LMNA: variants seen among roughly 807,000 people sequenced by gnomAD.
LMNA encodes the protein lamin.
In LMNA, 20 loss-of-function variants were observed where a neutral mutation model predicts 70.4. The observed-to-expected ratio is 0.28, with a 90% CI of 0.20 to 0.41. LMNA has a LOEUF of 0.41. Ranked by LOEUF, LMNA falls within the 10% of genes least tolerant of loss-of-function variation. LMNA has a pLI of 1.00. For synonymous variants in LMNA, 339 were observed against 372.8 expected, an observed-to-expected ratio of 0.91 and a Z score of 1.04; for missense variants, 652 against 917.2, an observed-to-expected ratio of 0.71 and a Z score of 3.73.
At chr1:156,126,322 A>G in intron 1 of LMNA, 1 of 933,802 alleles carries the variant, frequency 1.1e-6, no homozygotes, top group Non-Finnish European at 1.6e-6. Context: ...TGTTATTTTT[A>G]GCTACAGTGT....
At chr1:156,107,334 C>T (rs1649388555) in intron 3 of LMNA, among the ~76,000 whole-genome samples, 1 of 152,202 alleles carries the variant, frequency 6.6e-6, no homozygotes, top group Non-Finnish European at 1.5e-5. Flanking sequence ...TGCTCTTTGA[C>T]ATCTGTCCAG....
At chr1:156,125,266 G>A (rs1335104050) in intron 1 of LMNA, among the ~76,000 whole-genome samples, 1 of 152,224 alleles carries the variant, frequency 6.6e-6, no homozygotes, top group Non-Finnish European at 1.5e-5. Flanking sequence ...GGGAGGGACA[G>A]AGAGAAGGAG....
chr1:156,126,974 ACCTGAGGGGCCCAGGTTCCCAC>A, intron 1 of LMNA: 1 of 1,475,116 alleles, frequency 6.8e-7, no homozygotes, highest in Non-Finnish European at 9.1e-7. Flanking sequence ...AGCATGAGTC[ACCTGAGGGGCCCAGGTTCCCAC>A]CCTTCCCAGC....
chr1:156,105,949 T>C (rs959701244), intron 3 of LMNA, among the ~76,000 whole-genome samples: 60 of 151,652 alleles, frequency 4.0e-4, no homozygotes, highest in Admixed American at 3.9e-3. Flanking sequence ...AAACCCCGTC[T>C]CTACTTAAAA....
upstream of LMNA, among the ~76,000 whole-genome samples, chr1:156,110,374 G>C (rs544651208): frequency 2.6e-5 from 4 of 152,288 alleles, no homozygotes; most frequent in African/African-American, 7.2e-5. Context: ...TGTGTATAAG[G>C]CAGTTCTGTA....
chr1:156,103,468 G>A lies in LMNA; in HGVS notation c.-206-11245G>A, dbSNP rs779598873. Among the ~76,000 whole-genome samples, 2 of 152,118 alleles carry A rather than the reference G, an allele frequency of 1.3e-5. No individual in the cohort carries two copies. Among genetic ancestry groups the A allele is most frequent in the African/African-American group, 2.4e-5 (1 of 41,414 alleles). On this transcript the variant is annotated intron_variant, in intron 3 of 12. Coordinates refer to the LMNA transcript ENST00000368301. The surrounding 1 kb of genome is among the most constrained non-coding windows in gnomAD (Gnocchi z 4.7). ...GGGAGGGTGCCAGGATCCCCATTTT[G>A]CATACAGTAGCTGAGGCTCAGCCAG... is the stretch of plus-strand genomic sequence containing the variant.
chr1:156,137,226 T>G lies in LMNA; in HGVS notation c.1602T>G (p.Thr534=), dbSNP rs781763410. The change falls in exon 9 of 12, where the codon ACT becomes ACG. Residue 534 remains threonine (T), a synonymous_variant. Coordinates refer to ENST00000368300, the MANE Select transcript of LMNA (RefSeq NM_170707.4). The surrounding 1 kb of genome is among the most constrained non-coding windows in gnomAD (Gnocchi z 4.6). The part of the protein sequence containing the change: ...NSLRTALINS[T]GEEVAMRKLV... ...TGCGTACGGCTCTCATCAACTCCAC[T>G]GGGGAAGTAAGTAGGCCTGGGCCTG... The G allele has an allele frequency of 6.3e-7, 1 of 1,583,238 alleles. No homozygotes were observed.
intron 3 of LMNA, among the ~76,000 whole-genome samples, chr1:156,105,488 C>G (rs1030806089): frequency 1.3e-5 from 2 of 152,180 alleles, no homozygotes; most frequent in Admixed American, 6.5e-5. Context: ...CCTGCAGATT[C>G]ACCACCACCC....
chr1:156,119,214 T>G (rs1022374403), intron 1 of LMNA, among the ~76,000 whole-genome samples: 3 of 151,270 alleles, frequency 2.0e-5, no homozygotes, highest in African/African-American at 7.3e-5. Flanking sequence ...ACCTCCCAGG[T>G]TCAAGCGATT....
At chr1:156,108,573 A>G (rs1039403667) in intron 3 of LMNA, among the ~76,000 whole-genome samples, 10 of 152,180 alleles carry the variant, frequency 6.6e-5, no homozygotes, top group Non-Finnish European at 1.2e-4. Flanking sequence ...CAGGAGTTAC[A>G]TGGTGAAATC....
At chr1:156,109,736 A>G (rs1371797282), upstream of LMNA, 1 of 151,992 alleles carries the variant, frequency 6.6e-6, no homozygotes, top group Non-Finnish European at 1.5e-5. Context: ...AACTATAAAG[A>G]TTGTTAAAAT....
At position 156,138,860 on chromosome 1, in the gene LMNA, C is replaced by T. The variant is rs1209811249; in HGVS notation, c.1968+103C>T. ...AGGGGGGAGAGCCTGCCTTCTCTTC[C>T]GCAGCCCGGGGGAGTGGGAGCCTCC... is the stretch of plus-strand genomic sequence containing the variant. On this transcript the variant is annotated intron_variant, in intron 11 of 11. Coordinates refer to ENST00000368300, the MANE Select transcript of LMNA (RefSeq NM_170707.4). This position sits in a 1 kb window ranked among gnomAD's most constrained non-coding sequence, Gnocchi z 5.5. The T allele has an allele frequency of 1.4e-5, 21 of 1,497,362 alleles. No individual in the cohort carries two copies. Among genetic ancestry groups the T allele is most frequent in the Middle Eastern group, 2.3e-4 (1 of 4,438 alleles). The allele number at this position is 1,497,362 out of a possible 1,614,324, so 92.8% of individuals were successfully genotyped here.
chr1:156,084,328 C>CGTG (rs1491205878), intron 2 of LMNA, among the ~76,000 whole-genome samples: 36 of 91,022 alleles, frequency 4.0e-4, no homozygotes, highest in African/African-American at 1.4e-3. Flanking sequence ...CTCAGAAGGT[C>CGTG]GGGGGGTGGT....
chr1:156,111,310 G>A (rs547997314), upstream of LMNA, among the ~76,000 whole-genome samples: 20 of 151,992 alleles, frequency 1.3e-4, no homozygotes, highest in African/African-American at 1.9e-4. Context: ...TTAGCCGGGC[G>A]TGGTGGCACA....
intron 2 of LMNA, chr1:156,083,332 CTT>C (rs947417410): frequency 6.5e-5 from 10 of 152,962 alleles, no homozygotes; most frequent in Non-Finnish European, 1.2e-4. Context: ...CCTGGGGTGA[CTT>C]AACCGTTTGG....
chr1:156,137,352 G>A lies in LMNA; in HGVS notation c.1608+120G>A. The A allele has an allele frequency of 7.5e-7, 1 of 1,336,236 alleles. No homozygotes were observed. Among genetic ancestry groups the A allele is most frequent in the Non-Finnish European group, 1.0e-6 (1 of 967,452 alleles). The allele number at this position is 1,336,236 out of a possible 1,614,324, so 82.8% of individuals were successfully genotyped here. A position where few individuals can be genotyped will look rare whatever the true frequency, so the allele number is the denominator to read the frequency against. On this transcript the variant is annotated intron_variant, in intron 9 of 11. Coordinates refer to ENST00000368300, the MANE Select transcript of LMNA (RefSeq NM_170707.4). This position sits in a 1 kb window ranked among gnomAD's most constrained non-coding sequence, Gnocchi z 4.6. ...GGGCCCCTTTCTAGAGCTCTCTGTTGCAGGCTCCAGACTTCTCCACCCAGT... is the reference window on the plus strand; with the variant it reads ...GGGCCCCTTTCTAGAGCTCTCTGTTACAGGCTCCAGACTTCTCCACCCAGT...
At chr1:156,082,937 C>G (rs1040487871) in intron 1 of LMNA, 1 of 152,120 alleles carries the variant, frequency 6.6e-6, no homozygotes, top group Admixed American at 6.6e-5. Flanking sequence ...TTCCCCCTCC[C>G]GCTCTCCCAG....
upstream of LMNA, among the ~76,000 whole-genome samples, chr1:156,111,841 T>C (rs2102811363): frequency 6.6e-6 from 1 of 152,314 alleles, no homozygotes; most frequent in South Asian, 2.1e-4. Flanking sequence ...GTGGTCACCC[T>C]CTAGCCACCA....
In LMNA at chr1:156,139,840, C is replaced by A; in HGVS notation, c.*734C>A. On this transcript the variant is annotated 3_prime_UTR_variant, in exon 12 of 12. Transcript: ENST00000368300. Reference sequence around the variant, plus strand: ...GGTGAGTTTGAGCTGCCTTCCCTAGCTTTAGACCCTGGGTGGGCTCTGTGC... The same window carrying A: ...GGTGAGTTTGAGCTGCCTTCCCTAGATTTAGACCCTGGGTGGGCTCTGTGC... 6.6e-7 allele frequency: 1 copy of A among 1,519,034 alleles called. No homozygotes were observed. The allele number at this position is 1,519,034 out of a possible 1,614,324, so 94.1% of individuals were successfully genotyped here. A position where few individuals can be genotyped will look rare whatever the true frequency, so the allele number is the denominator to read the frequency against.
Sources: gnomAD v4.1 joint callset for allele counts (sites outside exome capture counted in the v4.1 genomes callset) on GRCh38, gnomAD v4.1.1 for gene constraint, Gnocchi (gnomAD v3.1) non-coding constraint, MANE v1.5 for transcripts, NCBI Gene and HGNC (gene_info 2026-07-23, HGNC 2026-07-21) for gene names.